The following MAGI2 variants were observed in gnomAD, a reference collection of about 807,000 sequenced individuals.
MAGI2 encodes the protein membrane associated guanylate kinase, WW and PDZ domain containing 2, also known as membrane-associated guanylate kinase, WW and PDZ domain-containing protein 2.
MAGI2 carries 35 observed loss-of-function variants against 133.3 expected under a neutral mutation model. The observed-to-expected ratio is 0.26, with a 90% confidence interval of 0.20 to 0.35. MAGI2 has a LOEUF of 0.35. MAGI2 is among the 10% of genes least tolerant of loss of function. The pLI is 1.00. For synonymous variants in MAGI2, 729 were observed against 710.6 expected (o/e 1.03, Z -0.41); for missense variants, 1,636 against 1,863.4 (o/e 0.88, Z 2.25).
intron 3 of MAGI2, among the ~76,000 whole-genome samples, chr7:78,610,714 G>A (rs1317963044): frequency 1.3e-5 from 2 of 152,152 alleles, no homozygotes; most frequent in East Asian, 1.9e-4. Context: ...CTCCCTCTTT[G>A]GGGGATAGAA....
At chr7:78,636,593 T>TA (rs532621407) in intron 2 of MAGI2, among the ~76,000 whole-genome samples, 1,600 of 152,154 alleles carry the variant, frequency 0.011, 22 homozygotes, top group Middle Eastern at 0.041. Context: ...GGTCAGGAGA[T>TA]AGAGACCATC....
chr7:79,270,722 T>C (rs533322080), intron 1 of MAGI2, among the ~76,000 whole-genome samples: 1 of 145,726 alleles, frequency 6.9e-6, no homozygotes, highest in South Asian at 2.3e-4. Flanking sequence ...GGGAGAATCA[T>C]ATATGTCTGA....
intron 2 of MAGI2, among the ~76,000 whole-genome samples, chr7:78,891,602 A>G (rs910872187): frequency 3.9e-5 from 6 of 152,282 alleles, no homozygotes; most frequent in Non-Finnish European, 8.8e-5. Context: ...GTAATGCATC[A>G]TGTAAACAGA....
chr7:79,170,351 A>T (rs1173771037), intron 1 of MAGI2, among the ~76,000 whole-genome samples: 2 of 151,244 alleles, frequency 1.3e-5, no homozygotes, highest in Admixed American at 1.3e-4. Context: ...GTTTTAAAAA[A>T]TTTTTGTAGA....
intron 2 of MAGI2, among the ~76,000 whole-genome samples, chr7:78,663,418 G>A (rs956326690): frequency 3.3e-5 from 5 of 152,062 alleles, no homozygotes; most frequent in Middle Eastern, 3.4e-3. Context: ...TGTTGGCCAG[G>A]ATGGTCTCAA....
chr7:79,172,102 A>C (rs576598509), intron 1 of MAGI2, among the ~76,000 whole-genome samples: 115 of 152,036 alleles, frequency 7.6e-4, no homozygotes, highest in African/African-American at 2.7e-3. Flanking sequence ...TCTCTTTTGC[A>C]GTGTGTAAGA....
intron 2 of MAGI2, among the ~76,000 whole-genome samples, chr7:78,731,891 G>T (rs1176654643): frequency 6.6e-6 from 1 of 152,156 alleles, no homozygotes; most frequent in African/African-American, 2.4e-5. Flanking sequence ...TACTCACACA[G>T]TTGAATGTAA....
chr7:79,307,132 A>G (rs1045700781), intron 1 of MAGI2, among the ~76,000 whole-genome samples: 2 of 152,172 alleles, frequency 1.3e-5, no homozygotes, highest in Non-Finnish European at 2.9e-5. Context: ...GGAACTTACA[A>G]TCTGCCTTAG....
At chr7:78,902,629 G>A (rs1412435268) in intron 2 of MAGI2, 1 of 152,042 alleles carries the variant, frequency 6.6e-6, no homozygotes, top group East Asian at 1.9e-4. Flanking sequence ...CAAAAATTAA[G>A]GCAAATTTCA....
intron 2 of MAGI2, among the ~76,000 whole-genome samples, chr7:78,837,636 A>G (rs1791756729): frequency 2.0e-5 from 3 of 152,164 alleles, no homozygotes; most frequent in Admixed American, 1.3e-4. Context: ...TATTGTAAAA[A>G]TTAAATATTT....
intron 14 of MAGI2, among the ~76,000 whole-genome samples, chr7:78,173,428 C>T (rs954708044): frequency 1.3e-5 from 2 of 152,122 alleles, no homozygotes; most frequent in Non-Finnish European, 2.9e-5. Context: ...AGGAGGGGAG[C>T]GGTTGAAGAT....
chr7:78,517,424 G>A (rs770989413), intron 4 of MAGI2, among the ~76,000 whole-genome samples: 10 of 152,062 alleles, frequency 6.6e-5, no homozygotes, highest in African/African-American at 1.9e-4. Flanking sequence ...GTTGGAGAGC[G>A]GATGAGTTCA....
At chr7:78,486,885 C>G (rs770456745) in intron 6 of MAGI2, 20 of 510,782 alleles carry the variant, frequency 3.9e-5, no homozygotes, top group Non-Finnish European at 7.5e-5. Flanking sequence ...CCTGACAGAT[C>G]ATTTCAAATC....
chr7:78,310,679 C>A (rs798285), intron 9 of MAGI2, among the ~76,000 whole-genome samples: 77,847 of 151,746 alleles, frequency 0.51, 20,533 homozygotes, highest in Middle Eastern at 0.59. Flanking sequence ...GAAAAGTTAC[C>A]ATGAAGAGAG....
At chr7:78,993,743 A>G (rs750306797) in intron 2 of MAGI2, among the ~76,000 whole-genome samples, 36 of 151,810 alleles carry the variant, frequency 2.4e-4, no homozygotes, top group Non-Finnish European at 4.0e-4. Context: ...TTCTTAAAAC[A>G]CCTTGCATGG....
intron 20 of MAGI2, among the ~76,000 whole-genome samples, chr7:78,100,824 G>A (rs6466021): frequency 0.73 from 111,648 of 152,008 alleles, 41,033 homozygotes; most frequent in East Asian, 0.77. Context: ...TACCAGAAAA[G>A]CTGTCAGAAC....
In MAGI2 at chr7:79,234,145, G is replaced by A. The variant is rs1483984025; in HGVS notation, c.301+218875C>T. Among the ~76,000 whole-genome samples, 6 of 139,004 alleles carry A rather than the reference G, an allele frequency of 4.3e-5. No homozygotes were observed. The East Asian group carries it at 6.3e-4, about 15-fold the overall frequency. The allele number at this position is 139,004 out of a possible 152,430, so 91.2% of individuals were successfully genotyped here. On this transcript the variant is annotated intron_variant, in intron 1 of 21. Transcript: ENST00000354212. Reference sequence around the variant, plus strand: ...GCCCCCACTCTCTTCTGGCTTGTAGGGTTTCTGCCGAGAGATCCGCTGTTA... The same window carrying A: ...GCCCCCACTCTCTTCTGGCTTGTAGAGTTTCTGCCGAGAGATCCGCTGTTA...
chr7:78,507,805 C>T (rs1415268989), intron 4 of MAGI2, among the ~76,000 whole-genome samples: 1 of 152,186 alleles, frequency 6.6e-6, no homozygotes, highest in Admixed American at 6.5e-5. Context: ...TTAGAGCATA[C>T]TAACCATCAG....
intron 6 of MAGI2, among the ~76,000 whole-genome samples, chr7:78,457,761 C>T (rs1236214124): frequency 6.6e-6 from 1 of 152,128 alleles, no homozygotes; most frequent in African/African-American, 2.4e-5. Flanking sequence ...AAAAATACAG[C>T]TCATGACAAT....
Sources: allele counts gnomAD v4.1 joint callset (sites outside exome capture counted in the v4.1 genomes callset), GRCh38; gene constraint gnomAD v4.1.1; transcripts MANE v1.5; gene names NCBI Gene and HGNC (gene_info 2026-07-23, HGNC 2026-07-21).